The following KLF7 variants were observed in gnomAD, a reference collection of about 807,000 sequenced individuals.
KLF7 encodes Krueppel-like factor 7.
In KLF7, 2 loss-of-function variants were observed where a neutral mutation model predicts 27.3. That is an observed-to-expected ratio of 0.07 (90% CI 0.03 to 0.23). The LOEUF (loss-of-function observed/expected upper bound fraction) is 0.23, where lower values mean the gene tolerates loss of function less well. KLF7 is among the 10% of genes least tolerant of loss of function. The probability of loss-of-function intolerance (pLI) is 1.00; values close to 1 mark genes in which losing one functional copy is unlikely to be tolerated. For synonymous variants in KLF7, 165 were observed against 162.4 expected, an observed-to-expected ratio of 1.02 and a Z score of -0.12; for missense variants, 221 against 394.1, an observed-to-expected ratio of 0.56 and a Z score of 3.72.
chr2:207,132,573 G>A (rs1244118343), intron 1 of KLF7, among the ~76,000 whole-genome samples: 1 of 152,198 alleles, frequency 6.6e-6, no homozygotes, highest in Non-Finnish European at 1.5e-5. Context: ...TTAAAGGCCT[G>A]GGGAGAGGGT....
At position 207,078,076 on chromosome 2, in the gene KLF7, G is replaced by C. The variant is rs2076208047; in HGVS notation, c.*3137C>G. On this transcript the variant is annotated 3_prime_UTR_variant, in exon 4 of 4. Transcript: ENST00000309446. ...AACCTGCTCGCTCTAGCGGCTCTTA[G>C]TAACCATCTCTGCCACTGCAGAGGT... 1 of 152,214 alleles carries C rather than the reference G, an allele frequency of 6.6e-6. No individual in the cohort carries two copies. Among genetic ancestry groups the C allele is most frequent in the East Asian group, 1.9e-4 (1 of 5,198 alleles). 9.4% of individuals were successfully genotyped at this position (152,214 alleles called of 1,614,324 possible). A position where few individuals can be genotyped will look rare whatever the true frequency, so the allele number is the denominator to read the frequency against.
At chr2:207,095,728 T>C (rs190907586) in intron 2 of KLF7, among the ~76,000 whole-genome samples, 26 of 152,272 alleles carry the variant, frequency 1.7e-4, no homozygotes, top group African/African-American at 6.0e-4. Flanking sequence ...ACTTTCACCA[T>C]TGAAAATTTA....
At chr2:207,136,678 G>A (rs1484161873) in intron 1 of KLF7, among the ~76,000 whole-genome samples, 1 of 152,184 alleles carries the variant, frequency 6.6e-6, no homozygotes, top group East Asian at 1.9e-4. Context: ...CAGGGATTTA[G>A]TGTATGTACC....
intron 1 of KLF7, among the ~76,000 whole-genome samples, chr2:207,144,046 CT>C (rs1320063026): frequency 7.4e-5 from 11 of 148,612 alleles, no homozygotes; most frequent in African/African-American, 2.7e-4. Context: ...GGAAAGCATG[CT>C]TCATTAGAGT....
At position 207,080,619 on chromosome 2, in the gene KLF7, T is replaced by C; in HGVS notation, c.*594A>G. ...CAGTCAACAGTTCTGTGAGGAAGTC[T>C]GACGCACGGAATAGTAGGACTTTTC... is the stretch of plus-strand genomic sequence containing the variant. On this transcript the variant is annotated 3_prime_UTR_variant, in exon 4 of 4. Coordinates refer to ENST00000309446, the MANE Select transcript of KLF7 (RefSeq NM_003709.4). 1 of 384,588 alleles carries C rather than the reference T, an allele frequency of 2.6e-6. No homozygotes were observed. The highest frequency in any genetic ancestry group is 4.6e-6 in the Non-Finnish European group (1 of 217,640). 23.8% of individuals were successfully genotyped at this position (384,588 alleles called of 1,614,324 possible).
chr2:207,137,969 C>T (rs568939028), intron 1 of KLF7, among the ~76,000 whole-genome samples: 76 of 152,278 alleles, frequency 5.0e-4, no homozygotes, highest in Non-Finnish European at 9.3e-4. Context: ...TTCAACCCAA[C>T]ATGACAGGGA....
intron 2 of KLF7, among the ~76,000 whole-genome samples, chr2:207,123,466 G>A (rs1198796033): frequency 6.6e-6 from 1 of 152,176 alleles, no homozygotes; most frequent in Non-Finnish European, 1.5e-5. Context: ...AAAGTGTCAG[G>A]AAAGCGACAA....
rs1202753076 is a variant in KLF7, at chr2:207,148,286, T to C, written c.102+17181A>G. Among the ~76,000 whole-genome samples the C allele has an allele frequency of 7.2e-5, 11 of 152,242 alleles. 1 individual carries two copies. In the East Asian group the frequency reaches 2.1e-3, roughly 29 times the overall value. ...AGGTTGGTTGAGAGGCTGACATTCC[T>C]GTCCCTCTTCACCTTCACTTACTCA... On this transcript the variant is annotated intron_variant, in intron 1 of 3. Transcript: ENST00000309446.
upstream of KLF7, chr2:207,166,181 G>T: frequency 2.0e-6 from 2 of 985,992 alleles, no homozygotes; most frequent in Non-Finnish European, 2.4e-6. Context: ...CCATTAGGCC[G>T]CGTGTGACCA....
At chr2:207,089,499 ACC>A (rs1386094811) in intron 2 of KLF7, among the ~76,000 whole-genome samples, 1 of 152,136 alleles carries the variant, frequency 6.6e-6, no homozygotes, top group Non-Finnish European at 1.5e-5. Context: ...ACAAATATTT[ACC>A]CTTCCAACTG....
rs1333264703 is a variant in KLF7, at chr2:207,088,627, G to A, written c.734-46C>T. ...ACCGTGGTCAGCAGCAGGAACAAAA[G>A]GGATTACACCCAACCAGCCTGTGCT... On this transcript the variant is annotated intron_variant, in intron 2 of 3. Transcript: ENST00000309446. 3.1e-6 allele frequency: 5 copies of A among 1,600,248 alleles called. No individual in the cohort carries two copies. In the South Asian group the frequency reaches 4.4e-5, roughly 14 times the overall value.
chr2:207,144,226 T>C (rs1041715997), intron 1 of KLF7, among the ~76,000 whole-genome samples: 7 of 151,090 alleles, frequency 4.6e-5, no homozygotes, highest in African/African-American at 1.5e-4. Context: ...AGAGCTGTCA[T>C]TTGGCATAGA....
chr2:207,120,874 T>C (rs2077320682), intron 2 of KLF7: 1 of 152,340 alleles, frequency 6.6e-6, no homozygotes, highest in Non-Finnish European at 1.5e-5. Flanking sequence ...ACATAAATTA[T>C]CACCTTTGTT....
At chr2:207,134,471 C>T (rs764317320) in intron 1 of KLF7, among the ~76,000 whole-genome samples, 5 of 152,106 alleles carry the variant, frequency 3.3e-5, no homozygotes, top group East Asian at 3.9e-4. Context: ...ACTTCCACTG[C>T]GGAATGTTAA....
At position 207,120,360 on chromosome 2, in the gene KLF7, A is replaced by G. The variant is rs545880327; in HGVS notation, c.733+3414T>C. 3.3e-5 allele frequency among the ~76,000 whole-genome samples: 5 copies of G among 152,306 alleles called. No homozygotes were observed. The East Asian group carries it at 7.7e-4, about 23-fold the overall frequency. ...AAAATTCTTCAATGCAAGCAAATCC[A>G]TGTTACCAACATGTATTGTCTTCCT... On this transcript the variant is annotated intron_variant, in intron 2 of 3. Coordinates refer to ENST00000309446, the MANE Select transcript of KLF7 (RefSeq NM_003709.4).
rs1422892382 is a variant in KLF7 at position 207,080,463 on chromosome 2, G to C, written c.*750C>G. ...GTGCAAAAGTCAAAACGTAAGAAAA[G>C]AAAACTCCTCCCTTGAGAGTGAAGT... On this transcript the variant is annotated 3_prime_UTR_variant, in exon 4 of 4. Coordinates refer to ENST00000309446, the MANE Select transcript of KLF7 (RefSeq NM_003709.4). 1.6e-5 allele frequency: 3 copies of C among 184,778 alleles called. No individual in the cohort carries two copies. The highest frequency in any genetic ancestry group is 7.0e-5 in the African/African-American group (3 of 42,938). 11.4% of individuals were successfully genotyped at this position (184,778 alleles called of 1,614,324 possible).
At chr2:207,173,140 A>C in the KLF7 span, among the ~76,000 whole-genome samples, 2 of 152,112 alleles carry the variant, frequency 1.3e-5, no homozygotes, top group Non-Finnish European at 2.9e-5. Context: ...GAACATGAGA[A>C]CATGTATGTG....
intron 3 of KLF7, among the ~76,000 whole-genome samples, chr2:207,085,768 A>G (rs1379117057): frequency 6.6e-6 from 1 of 152,184 alleles, no homozygotes; most frequent in Non-Finnish European, 1.5e-5. Context: ...CTTGGCAACC[A>G]ATGGCTTGCC....
intron 1 of KLF7, among the ~76,000 whole-genome samples, chr2:207,141,469 CA>C (rs2077940806): frequency 6.6e-6 from 1 of 151,988 alleles, no homozygotes; most frequent in Non-Finnish European, 1.5e-5. Flanking sequence ...ATTAGTGAAA[CA>C]GTCAAGGAAT....
Sources: allele counts gnomAD v4.1 joint callset (sites outside exome capture counted in the v4.1 genomes callset), GRCh38; gene constraint gnomAD v4.1.1; transcripts MANE v1.5; gene names NCBI Gene and HGNC (gene_info 2026-07-23, HGNC 2026-07-21).